Variants in SCN10A observed in about 807,000 individuals in gnomAD.
SCN10A encodes sodium channel protein type 10 subunit alpha.
In SCN10A, 162 loss-of-function variants were observed where a neutral mutation model predicts 170.7. The ratio of observed to expected loss-of-function variants is 0.95; its 90% CI spans 0.84 to 1.08. SCN10A has a LOEUF of 1.08. Among genes scored for constraint, SCN10A ranks in the 50% least tolerant of loss-of-function variants. The pLI is 0.00. For synonymous variants in SCN10A, 985 were observed against 904.6 expected, an observed-to-expected ratio of 1.09 and a Z score of -1.59; for missense variants, 2,527 against 2,436.9, an observed-to-expected ratio of 1.04 and a Z score of -0.78.
chr3:38,712,050 C>A, intron 23 of SCN10A, 111 bp downstream of exon 23: 1 of 1,043,160 alleles, frequency 9.6e-7, no homozygotes, highest in Non-Finnish European at 1.4e-6. Context: ...TCAGTTCACA[C>A]TGAGTGCTAC....
intron 15 of SCN10A, 73 bp downstream of exon 15, chr3:38,739,442 C>T: frequency 7.4e-7 from 1 of 1,359,198 alleles, no homozygotes; most frequent in African/African-American, 1.4e-5. Flanking sequence ...CTGGCTGGTG[C>T]AGTCCCCAGA....
At position 38,749,024 on chromosome 3, in the gene SCN10A, A is replaced by G. The variant is rs114130638; in HGVS notation, c.1867+1049T>C. Among the ~76,000 whole-genome samples, 683 of 152,328 alleles carry G rather than the reference A, an allele frequency of 4.5e-3. 7 individuals carry two copies. The highest frequency in any genetic ancestry group is 0.015 in the African/African-American group (625 of 41,580). ...ATCCAGCTGTGAGCAAAACAGATAC[A>G]TCTCTGCATATCTGGTAAATTACTG... On this transcript the variant is annotated intron_variant, in intron 13 of 27. Transcript: ENST00000449082.
chr3:38,777,476 C>G, intron 4 of SCN10A, among the ~76,000 whole-genome samples: 1 of 152,044 alleles, frequency 6.6e-6, no homozygotes, highest in East Asian at 1.9e-4. Context: ...ATCTGCCATA[C>G]TGATGTGTGG....
At chr3:38,783,015 A>G (rs892660473) in intron 4 of SCN10A, among the ~76,000 whole-genome samples, 2 of 152,054 alleles carry the variant, frequency 1.3e-5, no homozygotes, top group Non-Finnish European at 2.9e-5. Context: ...CTCTCTTTCT[A>G]GCTTATAGAT....
Position 38,698,043 on chromosome 3 carries a change from T to A in SCN10A, c.5177A>T (p.Asn1726Ile). The A allele has an allele frequency of 2.5e-6, 4 of 1,614,122 alleles. No individual in the cohort carries two copies. Among genetic ancestry groups the A allele is most frequent in the Non-Finnish European group, 3.4e-6 (4 of 1,180,022 alleles). The change falls in exon 28 of 28, where the codon AAT becomes ATT. Residue 1726 changes from asparagine (N) to isoleucine (I), a missense_variant. Physicochemically the swap from Asn to Ile is moderately radical, Grantham distance 149. Coordinates refer to ENST00000449082, the MANE Select transcript of SCN10A (RefSeq NM_006514.4). ...MYIAVILENF[N>I]VATEESTEPL... Reference sequence around the variant, plus strand: ...CTCAGTGCTCTCCTCCGTGGCCACATTGAAGTTCTCCAGAATCACTGCAAT... The same window carrying A: ...CTCAGTGCTCTCCTCCGTGGCCACAATGAAGTTCTCCAGAATCACTGCAAT...
chr3:38,768,139 T>C (rs2063954117), intron 5 of SCN10A, among the ~76,000 whole-genome samples: 1 of 151,996 alleles, frequency 6.6e-6, no homozygotes, highest in African/African-American at 2.4e-5. Flanking sequence ...CCTTATGTGT[T>C]AGGTGAGTCT....
chr3:38,697,199 T>A lies in SCN10A; in HGVS notation c.*150A>T. On this transcript the variant is annotated 3_prime_UTR_variant, in exon 28 of 28. Coordinates refer to ENST00000449082, the MANE Select transcript of SCN10A (RefSeq NM_006514.4). Reference sequence around the variant, plus strand: ...GTATGATGGTTTTTTCAAAGGTGGTTACCAGTTGCATTCCCTGCCCAGTTC... The same window carrying A: ...GTATGATGGTTTTTTCAAAGGTGGTAACCAGTTGCATTCCCTGCCCAGTTC... 7.9e-7 allele frequency: 1 copy of A among 1,262,666 alleles called. No homozygotes were observed. Among genetic ancestry groups the A allele is most frequent in the African/African-American group, 1.5e-5 (1 of 66,934 alleles). 78.2% of individuals were successfully genotyped at this position (1,262,666 alleles called of 1,614,324 possible).
chr3:38,776,350 T>C (rs1182101065), intron 4 of SCN10A, among the ~76,000 whole-genome samples: 1 of 152,120 alleles, frequency 6.6e-6, no homozygotes, highest in Non-Finnish European at 1.5e-5. Flanking sequence ...ATTTTTATCA[T>C]TATTGTTATG....
chr3:38,709,393 G>T, intron 25 of SCN10A, 85 bp downstream of exon 25: 2 of 1,413,926 alleles, frequency 1.4e-6, no homozygotes, highest in Non-Finnish European at 9.6e-7. Flanking sequence ...GTTGGCTTTT[G>T]TCAGGAGGCC....
chr3:38,720,032 G>C (rs771960223), intron 20 of SCN10A, among the ~76,000 whole-genome samples: 2 of 152,252 alleles, frequency 1.3e-5, no homozygotes, highest in Non-Finnish European at 2.9e-5. Flanking sequence ...GATTTACAAG[G>C]CTGTCTTCTT....
chr3:38,739,387 G>A (rs2063604842), intron 15 of SCN10A, 128 bp downstream of exon 15: 1 of 804,990 alleles, frequency 1.2e-6, no homozygotes, highest in Admixed American at 3.0e-5. Context: ...TCGCCCAGGA[G>A]TCAGACCCTG....
rs551512256 is a variant in SCN10A, at chr3:38,715,300, C to T, written c.3682-1220G>A. Among the ~76,000 whole-genome samples, 60 of 152,310 alleles carry T rather than the reference C, an allele frequency of 3.9e-4. No homozygotes were observed. In the East Asian group the frequency reaches 8.1e-3, roughly 21 times the overall value. On this transcript the variant is annotated intron_variant, in intron 21 of 27. Coordinates refer to ENST00000449082, the MANE Select transcript of SCN10A (RefSeq NM_006514.4). ...CCAGCAAAGTCTGTCCACCCAAGCCCACCTCCATTCCCACTGCTCAGCCCA... is the reference window on the plus strand; with the variant it reads ...CCAGCAAAGTCTGTCCACCCAAGCCTACCTCCATTCCCACTGCTCAGCCCA...
intron 6 of SCN10A, among the ~76,000 whole-genome samples, chr3:38,761,735 C>T (rs1174278723): frequency 1.3e-5 from 2 of 152,028 alleles, no homozygotes; most frequent in East Asian, 1.9e-4. Flanking sequence ...TAACTTCACC[C>T]CAGTAATTTG....
intron 4 of SCN10A, among the ~76,000 whole-genome samples, chr3:38,771,645 C>A (rs540563293): frequency 6.6e-6 from 1 of 152,306 alleles, no homozygotes; most frequent in East Asian, 1.9e-4. Context: ...CTGGGACAGC[C>A]AGCAGCTTCT....
chr3:38,740,022 G>T (rs1454065076), intron 14 of SCN10A, among the ~76,000 whole-genome samples: 1 of 152,140 alleles, frequency 6.6e-6, no homozygotes, highest in African/African-American at 2.4e-5. Context: ...AAAACGTGTG[G>T]GTTGTGGGAC....
At position 38,726,940 on chromosome 3, in the gene SCN10A, T is replaced by C. The variant is rs1194116173; in HGVS notation, c.2753A>G (p.Gln918Arg). The change falls in exon 17 of 28, where the codon CAG (glutamine) becomes CGG (arginine). Residue 918 changes from glutamine (Q) to arginine (R), a missense_variant. Gln to Arg is a conservative substitution (Grantham distance 43, BLOSUM62 1). Transcript: ENST00000449082. ...CTGTTTGGTACGATGGCCAAAGACC[T>C]GGATCCGTGCCAGGGCCACCTGCAG... ...NNLQVALARI[Q>R]VFGHRTKQAL... 1.2e-6 allele frequency: 2 copies of C among 1,614,126 alleles called. No homozygotes were observed. The highest frequency in any genetic ancestry group is 2.2e-5 in the South Asian group (2 of 91,092).
At chr3:38,734,540 T>C (rs2063540888) in intron 15 of SCN10A, among the ~76,000 whole-genome samples, 1 of 152,208 alleles carries the variant, frequency 6.6e-6, no homozygotes, top group Non-Finnish European at 1.5e-5. Flanking sequence ...GATTTAACAT[T>C]AGAAAATCAA....
chr3:38,707,338 A>G lies in SCN10A; in HGVS notation c.4327T>C (p.Tyr1443His), dbSNP rs762798134. 13 of 1,614,124 alleles carry G rather than the reference A, an allele frequency of 8.1e-6. No individual in the cohort carries two copies. In the East Asian group the frequency reaches 1.6e-4, roughly 19 times the overall value. The change falls in exon 26 of 28, where the codon TAC (tyrosine) becomes CAC (histidine). Residue 1443 changes from tyrosine (Y) to histidine (H), a missense_variant. Transcript: ENST00000449082. Reference sequence around the variant, plus strand: ...GAGCCCAACTTCTTCATGGCATTGTAGTATTTCTTCTGCTCCTCTGTCATG... The same window carrying G: ...GAGCCCAACTTCTTCATGGCATTGTGGTATTTCTTCTGCTCCTCTGTCATG... The part of the protein sequence containing the change: ...IFMTEEQKKY[Y>H]NAMKKLGSKK...
chr3:38,785,755 G>A (rs1369346243), intron 4 of SCN10A, among the ~76,000 whole-genome samples: 2 of 151,762 alleles, frequency 1.3e-5, no homozygotes, highest in Non-Finnish European at 2.9e-5. Flanking sequence ...CTAATATCCA[G>A]AATCTACAAA....
Sources: allele counts gnomAD v4.1 joint callset (sites outside exome capture counted in the v4.1 genomes callset), GRCh38; gene constraint gnomAD v4.1.1; transcripts MANE v1.5; gene names NCBI Gene and HGNC (gene_info 2026-07-23, HGNC 2026-07-21).